CFAP74: variants seen among roughly 807,000 people sequenced by gnomAD.
CFAP74 encodes the protein cilia and flagella associated protein 74, also known as cilia- and flagella-associated protein 74.
Under a neutral mutation model 188.9 loss-of-function variants are expected in CFAP74, and 124 were observed. The observed-to-expected ratio is 0.66, with a 90% CI of 0.57 to 0.76. CFAP74 has a LOEUF of 0.76. Ranked by LOEUF, CFAP74 falls within the 30% of genes least tolerant of loss-of-function variation. The probability of loss-of-function intolerance (pLI) is 0.00; values close to 1 mark genes in which losing one functional copy is unlikely to be tolerated. For synonymous variants in CFAP74, 956 were observed against 916.7 expected (o/e 1.04, Z -0.77); for missense variants, 2,198 against 2,165.2 (o/e 1.02, Z -0.30).
intron 1 of CFAP74, among the ~76,000 whole-genome samples, chr1:1,993,900 T>G (rs548206646): frequency 6.0e-5 from 9 of 150,694 alleles, no homozygotes; most frequent in South Asian, 2.1e-4. Flanking sequence ...GAGAATGGCG[T>G]GAACCCGGGA....
At chr1:1,939,143 AGTGT>A (rs998180022) in intron 24 of CFAP74, among the ~76,000 whole-genome samples, 155 bp from the exon 25 acceptor site, 1 of 152,142 alleles carries the variant, frequency 6.6e-6, no homozygotes, top group African/African-American at 2.4e-5. Flanking sequence ...TGTGTCAGCA[AGTGT>A]GTGAGTGTGA....
intron 33 of CFAP74, among the ~76,000 whole-genome samples, chr1:1,925,067 C>G (rs562210865): frequency 7.3e-4 from 107 of 147,430 alleles, no homozygotes; most frequent in African/African-American, 2.7e-3. Flanking sequence ...AGGGCACACA[C>G]TGGTGCGGAG....
rs1308114701 is a variant in CFAP74 at position 1,926,761 on chromosome 1, G to C, written c.3663C>G (p.Ser1221Arg). ...GCTCCAGGTACAGGGTGTTGTGGGG[G>C]CTGGGATAGGAAGGGCATGCTGAGG... ...DRKGSEPLSF[S>R]PHNTLYLELW... The change falls in exon 30 of 39, where the codon AGC becomes AGG. Residue 1221 changes from serine (S) to arginine (R), a missense_variant and splice_region_variant. By Grantham distance (110) the Ser-to-Arg change is moderately radical. Coordinates refer to ENST00000682832, the MANE Select transcript of CFAP74 (RefSeq NM_001304360.2). 22 of 1,549,794 alleles carry C rather than the reference G, an allele frequency of 1.4e-5. No individual in the cohort carries two copies. Among genetic ancestry groups the C allele is most frequent in the Non-Finnish European group, 1.8e-5 (21 of 1,146,668 alleles).
At chr1:1,962,333 G>A (rs571804813) in intron 14 of CFAP74, among the ~76,000 whole-genome samples, 9 of 151,984 alleles carry the variant, frequency 5.9e-5, no homozygotes, top group South Asian at 2.1e-4. Flanking sequence ...AAAATTAACC[G>A]GACGTGGTGG....
chr1:1,992,066 A>T (rs1163146631), intron 1 of CFAP74, among the ~76,000 whole-genome samples: 1 of 151,444 alleles, frequency 6.6e-6, no homozygotes, highest in Non-Finnish European at 1.5e-5. Flanking sequence ...CTGAGATCAA[A>T]ACGCTGCCAA....
chr1:2,000,604 C>G (rs545885312), intron 1 of CFAP74, among the ~76,000 whole-genome samples: 2 of 152,198 alleles, frequency 1.3e-5, no homozygotes, highest in African/African-American at 4.8e-5. Flanking sequence ...TCTGAAGGCA[C>G]GAGGGAAGGG....
At chr1:1,997,825 AG>A (rs1195498917) in intron 1 of CFAP74, among the ~76,000 whole-genome samples, 1 of 152,206 alleles carries the variant, frequency 6.6e-6, no homozygotes, top group Non-Finnish European at 1.5e-5. Context: ...AAAATAAGGA[AG>A]GGGAGGTCTT....
At chr1:1,998,879 A>C (rs1387474038) in intron 1 of CFAP74, among the ~76,000 whole-genome samples, 1 of 152,266 alleles carries the variant, frequency 6.6e-6, no homozygotes, top group South Asian at 2.1e-4. Flanking sequence ...TCCGTCTCGA[A>C]AAAAGTAATA....
intron 4 of CFAP74, 150 bp from the exon 5 acceptor site, chr1:1,987,185 C>T (rs1044759799): frequency 1.7e-6 from 1 of 598,926 alleles, no homozygotes; most frequent in East Asian, 2.9e-5. Flanking sequence ...CACCTTCAAG[C>T]CACACAAGCA....
chr1:1,969,934 G>A (rs997837462), intron 10 of CFAP74, among the ~76,000 whole-genome samples: 10 of 152,230 alleles, frequency 6.6e-5, no homozygotes, highest in South Asian at 2.1e-4. Context: ...GGGCAGCTTC[G>A]GGCAAAACCC....
At chr1:1,927,831 G>A (rs1014737060) in intron 27 of CFAP74, 85 bp from the exon 28 acceptor site, 244 of 1,424,080 alleles carry the variant, frequency 1.7e-4, no homozygotes, top group Non-Finnish European at 2.1e-4. Flanking sequence ...CGGCCAGTGC[G>A]GGAACCGCGG....
chr1:1,964,807 G>A (rs1454399860), intron 13 of CFAP74, 81 bp downstream of exon 13: 37 of 1,503,978 alleles, frequency 2.5e-5, no homozygotes, highest in Non-Finnish European at 3.2e-5. Flanking sequence ...AGCAAAAGGT[G>A]TCAGGGGTTG....
At chr1:1,947,938 T>C (rs1023324313) in intron 18 of CFAP74, among the ~76,000 whole-genome samples, 1 of 152,190 alleles carries the variant, frequency 6.6e-6, no homozygotes, top group Non-Finnish European at 1.5e-5. Context: ...AATGGTGTGA[T>C]CTTGACTCAC....
intron 1 of CFAP74, among the ~76,000 whole-genome samples, chr1:2,002,199 T>C (rs1475480980): frequency 6.6e-6 from 1 of 152,090 alleles, no homozygotes; most frequent in Non-Finnish European, 1.5e-5. Flanking sequence ...CTCAAATCCT[T>C]CACGAGAAGT....
intron 1 of CFAP74, among the ~76,000 whole-genome samples, chr1:1,998,877 G>A (rs1284966873): frequency 6.6e-6 from 1 of 151,538 alleles, no homozygotes; most frequent in East Asian, 1.9e-4. Context: ...ACTCCGTCTC[G>A]AAAAAAGTAA....
At chr1:1,964,619 G>A (rs1253015399) in intron 13 of CFAP74, among the ~76,000 whole-genome samples, 2 of 152,156 alleles carry the variant, frequency 1.3e-5, no homozygotes, top group East Asian at 3.9e-4. Context: ...GTGAAACCCC[G>A]TCTCTACTAA....
intron 25 of CFAP74, among the ~76,000 whole-genome samples, chr1:1,933,150 T>G (rs1019677574): frequency 2.0e-5 from 3 of 151,032 alleles, no homozygotes; most frequent in Non-Finnish European, 2.9e-5. Context: ...CCTCCCAAAG[T>G]GCTGGGATTA....
chr1:1,991,825 G>A (rs1657587374), intron 1 of CFAP74, among the ~76,000 whole-genome samples: 1 of 151,920 alleles, frequency 6.6e-6, no homozygotes, highest in Admixed American at 6.6e-5. Context: ...GGATCACGAG[G>A]TCAGGAGATC....
chr1:1,969,684 G>A (rs1321536532), intron 10 of CFAP74, among the ~76,000 whole-genome samples: 10 of 152,346 alleles, frequency 6.6e-5, no homozygotes, highest in Non-Finnish European at 1.2e-4. Flanking sequence ...ATGTATAGGC[G>A]GTGGAGCTGC....
Sources: gnomAD v4.1 joint callset for allele counts (sites outside exome capture counted in the v4.1 genomes callset) on GRCh38, gnomAD v4.1.1 for gene constraint, MANE v1.5 for transcripts, NCBI Gene and HGNC (gene_info 2026-07-23, HGNC 2026-07-21) for gene names.